The following TBC1D1 variants were observed in gnomAD, a reference collection of about 807,000 sequenced individuals.
The protein encoded by TBC1D1 is TBC1 domain family member 1.
In TBC1D1, 89 loss-of-function variants were observed where a neutral mutation model predicts 125.6. That is an observed-to-expected ratio of 0.71 (90% CI 0.60 to 0.85). The LOEUF is 0.85. TBC1D1 is among the 40% of genes least tolerant of loss of function. TBC1D1 has a pLI of 0.00. For synonymous variants in TBC1D1, 565 were observed against 564.1 expected, an observed-to-expected ratio of 1.00 and a Z score of -0.02; for missense variants, 1,377 against 1,469.2, an observed-to-expected ratio of 0.94 and a Z score of 1.03.
At position 37,996,422 on chromosome 4, in the gene TBC1D1, T is replaced by C. The variant is rs1737812007; in HGVS notation, c.418-18087T>C. ...TGGATTAAACTGCTTTTAACTAACA[T>C]CCTTTATTGGCAAAAGTTCTGATTT... is the stretch of plus-strand genomic sequence containing the variant. On this transcript the variant is annotated intron_variant, in intron 2 of 19. Transcript: ENST00000261439. Among the ~76,000 whole-genome samples the C allele has an allele frequency of 2.6e-5, 4 of 152,228 alleles. No individual in the cohort carries two copies. In the South Asian group the frequency reaches 8.3e-4, roughly 32 times the overall value.
rs142027460 is a variant in TBC1D1 at position 37,909,810 on chromosome 4, G to A, written c.417+7298G>A. Among the ~76,000 whole-genome samples the A allele has an allele frequency of 1.6e-3, 236 of 152,200 alleles. 1 individual carries two copies. The highest frequency in any genetic ancestry group is 5.2e-3 in the African/African-American group (216 of 41,550). On this transcript the variant is annotated intron_variant, in intron 2 of 19. Coordinates refer to ENST00000261439, the MANE Select transcript of TBC1D1 (RefSeq NM_015173.4). ...CTTTAATCCCAGCCTGATTTATTAT[G>A]TAAATTTTCATTTGGGGTCCCATGC...
At chr4:38,081,114 G>A (rs916493789) in intron 12 of TBC1D1, among the ~76,000 whole-genome samples, 1 of 152,082 alleles carries the variant, frequency 6.6e-6, no homozygotes, top group Non-Finnish European at 1.5e-5. Context: ...TTCGTTGCTG[G>A]CCCCTCATAG....
At chr4:38,008,665 C>A (rs768583063) in intron 2 of TBC1D1, among the ~76,000 whole-genome samples, 2 of 152,172 alleles carry the variant, frequency 1.3e-5, no homozygotes, top group Non-Finnish European at 2.9e-5. Flanking sequence ...AACAGGGACA[C>A]CTGATCACTC....
At chr4:37,933,058 AAAAAAC>A (rs1723609757) in intron 2 of TBC1D1, among the ~76,000 whole-genome samples, 1 of 151,634 alleles carries the variant, frequency 6.6e-6, no homozygotes, top group Non-Finnish European at 1.5e-5. Context: ...TTTAAAAACA[AAAAAAC>A]AAAAAAACAA....
intron 5 of TBC1D1, 106 bp from the exon 6 acceptor site, chr4:38,021,480 A>G (rs1168550686): frequency 9.6e-7 from 1 of 1,044,228 alleles, no homozygotes; most frequent in Non-Finnish European, 1.3e-6. Flanking sequence ...TAGTACAGAA[A>G]ACTCTTAAAG....
intron 2 of TBC1D1, among the ~76,000 whole-genome samples, chr4:37,989,498 T>A (rs1326280965): frequency 1.3e-5 from 2 of 152,236 alleles, no homozygotes; most frequent in African/African-American, 4.8e-5. Flanking sequence ...TCTCAGGACC[T>A]CCTGGGGTTG....
Position 37,896,493 on chromosome 4 carries a change from G to A in TBC1D1, c.-94+5145G>A, listed in dbSNP as rs78882083. 1.1e-3 allele frequency among the ~76,000 whole-genome samples: 168 copies of A among 152,262 alleles called. 7 individuals carry two copies. The East Asian group carries it at 0.024, about 22-fold the overall frequency. On this transcript the variant is annotated intron_variant, in intron 1 of 19. Transcript: ENST00000261439. ...GAGCAGCTTTCCATCCCCACACAAT[G>A]TTGGGGACATTTGGTATTATACATT...
chr4:37,996,633 T>G (rs1478405836), intron 2 of TBC1D1, among the ~76,000 whole-genome samples: 1 of 152,268 alleles, frequency 6.6e-6, no homozygotes, highest in Admixed American at 6.5e-5. Flanking sequence ...GTCTGGCATA[T>G]TTTAAAATTG....
At chr4:37,975,825 T>G (rs1732958557) in intron 2 of TBC1D1, among the ~76,000 whole-genome samples, 1 of 152,194 alleles carries the variant, frequency 6.6e-6, no homozygotes, top group Non-Finnish European at 1.5e-5. Flanking sequence ...ATTAATGATA[T>G]TCATATATAA....
intron 12 of TBC1D1, among the ~76,000 whole-genome samples, chr4:38,071,002 A>T (rs1306651402): frequency 6.6e-6 from 1 of 152,176 alleles, no homozygotes; most frequent in Non-Finnish European, 1.5e-5. Context: ...ACTGCAAATG[A>T]TTGTTTGGGG....
Position 38,138,962 on chromosome 4 carries a change from C to T in TBC1D1, c.*1627C>T, listed in dbSNP as rs778937613. Reference sequence around the variant, plus strand: ...AGAGGATAGCGGTTTCCATCATAAACCAAGATGATGAGTTCAGCCTTTATC... The same window carrying T: ...AGAGGATAGCGGTTTCCATCATAAATCAAGATGATGAGTTCAGCCTTTATC... On this transcript the variant is annotated 3_prime_UTR_variant, in exon 20 of 20. Transcript: ENST00000261439. 2 of 152,618 alleles carry T rather than the reference C, an allele frequency of 1.3e-5. No homozygotes were observed. Among genetic ancestry groups the T allele is most frequent in the Non-Finnish European group, 2.9e-5 (2 of 68,040 alleles). The allele number at this position is 152,618 out of a possible 1,614,324, so 9.5% of individuals were successfully genotyped here.
intron 12 of TBC1D1, chr4:38,060,677 G>T: frequency 7.0e-6 from 9 of 1,281,098 alleles, no homozygotes; most frequent in Non-Finnish European, 9.2e-6. Context: ...GATAGAGGCA[G>T]TCTCATCTGT....
At chr4:37,896,041 T>A (rs1714498152) in intron 1 of TBC1D1, among the ~76,000 whole-genome samples, 1 of 152,188 alleles carries the variant, frequency 6.6e-6, no homozygotes, top group African/African-American at 2.4e-5. Flanking sequence ...GCTCACTCCA[T>A]CTGGCGTAAA....
Position 37,962,996 on chromosome 4 carries a change from A to T in TBC1D1, c.418-51513A>T, listed in dbSNP as rs955428484. Among the ~76,000 whole-genome samples the T allele has an allele frequency of 1.5e-4, 23 of 152,214 alleles. 1 individual carries two copies. Among genetic ancestry groups the T allele is most frequent in the African/African-American group, 1.7e-4 (7 of 41,456 alleles). ...TTTAAGTACTTCTTTGGCAATAAACATCAACTTTTTTTCAGATGTCTCTTT... is the reference window on the plus strand; with the variant it reads ...TTTAAGTACTTCTTTGGCAATAAACTTCAACTTTTTTTCAGATGTCTCTTT... On this transcript the variant is annotated intron_variant, in intron 2 of 19. Coordinates refer to ENST00000261439, the MANE Select transcript of TBC1D1 (RefSeq NM_015173.4).
chr4:37,978,440 C>G (rs542333744), intron 2 of TBC1D1, among the ~76,000 whole-genome samples: 1 of 152,204 alleles, frequency 6.6e-6, no homozygotes, highest in Non-Finnish European at 1.5e-5. Flanking sequence ...GTTAGCCATA[C>G]TGTGAGGCTT....
chr4:37,986,191 G>A (rs554443487), intron 2 of TBC1D1, among the ~76,000 whole-genome samples: 1 of 152,314 alleles, frequency 6.6e-6, no homozygotes, highest in East Asian at 1.9e-4. Context: ...TAACCAGAAT[G>A]TCATCTTGAA....
At chr4:37,910,104 TAA>T (rs1718271773) in intron 2 of TBC1D1, among the ~76,000 whole-genome samples, 1 of 152,268 alleles carries the variant, frequency 6.6e-6, no homozygotes, top group Admixed American at 6.5e-5. Flanking sequence ...CTTAATTTTT[TAA>T]AGTCTTTTTA....
At chr4:37,920,448 A>G (rs1720715940) in intron 2 of TBC1D1, among the ~76,000 whole-genome samples, 1 of 152,158 alleles carries the variant, frequency 6.6e-6, no homozygotes, top group Non-Finnish European at 1.5e-5. Flanking sequence ...GGGAGTGCAG[A>G]AAAGAGGAGG....
chr4:37,976,727 A>G (rs1733160019), intron 2 of TBC1D1, among the ~76,000 whole-genome samples: 1 of 151,924 alleles, frequency 6.6e-6, no homozygotes, highest in Admixed American at 6.6e-5. Flanking sequence ...TAAACTGACC[A>G]CCTTGTCTCA....
Sources: allele counts gnomAD v4.1 joint callset (sites outside exome capture counted in the v4.1 genomes callset), GRCh38; gene constraint gnomAD v4.1.1; transcripts MANE v1.5; gene names NCBI Gene and HGNC (gene_info 2026-07-23, HGNC 2026-07-21).